Variants in ANKRD17 observed in about 807,000 individuals in gnomAD.
The protein encoded by ANKRD17 is ankyrin repeat domain 17.
Under a neutral mutation model 229.7 loss-of-function variants are expected in ANKRD17, and 19 were observed. The observed-to-expected ratio is 0.08, with a 90% CI of 0.06 to 0.12. The LOEUF is 0.12. Among genes scored for constraint, ANKRD17 ranks in the 10% least tolerant of loss-of-function variants. The probability of loss-of-function intolerance (pLI) is 1.00; values close to 1 mark genes in which losing one functional copy is unlikely to be tolerated. For missense variants in ANKRD17, 2,176 were observed against 3,176.8 expected (o/e 0.68, Z 7.57); for synonymous variants, 1,112 against 1,146.1 (o/e 0.97, Z 0.60).
chr4:73,104,663 T>A (rs183559673), intron 24 of ANKRD17, among the ~76,000 whole-genome samples: 2 of 152,094 alleles, frequency 1.3e-5, no homozygotes, highest in African/African-American at 4.8e-5. Context: ...TTTTAGAATT[T>A]TGGCTCATCC....
intron 1 of ANKRD17, chr4:73,223,099 C>T: frequency 6.7e-7 from 1 of 1,486,084 alleles, no homozygotes; most frequent in Non-Finnish European, 9.1e-7. Flanking sequence ...TCCTCTGTGT[C>T]AGCAAGGGAA....
At chr4:73,179,486 G>GTATATATA (rs1391988983) in intron 1 of ANKRD17, among the ~76,000 whole-genome samples, 2 of 59,978 alleles carry the variant, frequency 3.3e-5, no homozygotes, top group Non-Finnish European at 6.2e-5. Flanking sequence ...GTGTGTGTGT[G>GTATATATA]TGTATATATA....
At position 73,140,198 on chromosome 4, in the gene ANKRD17, G is replaced by T; in HGVS notation, c.2418C>A (p.Ser806Arg). The T allele has an allele frequency of 6.2e-7, 1 of 1,613,954 alleles. No homozygotes were observed. Among genetic ancestry groups the T allele is most frequent in the Non-Finnish European group, 8.5e-7 (1 of 1,179,994 alleles). The change falls in exon 15 of 34, where the codon AGC (serine) becomes AGA (arginine). Residue 806 changes from serine to arginine, a missense_variant. Ser to Arg is a moderately radical substitution (Grantham distance 110). Around this residue, in one of 18 missense-constraint regions of ANKRD17, gnomAD observed 275 missense variants for 386.9 expected, o/e 0.71. Transcript: ENST00000358602. ...ACTTTCCCTGAGCCTCTTCTACAAT[G>T]CTCTCTGGAGACTGATTGGTGATGT... ...QGYITNQSPE[S>R]IVEEAQGKLT... is the part of the protein sequence containing the mutation.
At chr4:73,192,034 G>T (rs1490996253) in intron 1 of ANKRD17, among the ~76,000 whole-genome samples, 1 of 151,974 alleles carries the variant, frequency 6.6e-6, no homozygotes, top group Non-Finnish European at 1.5e-5. Context: ...GAATAAAGCA[G>T]ATTTACACAT....
rs1341782431 is a variant in ANKRD17 at position 73,091,721 on chromosome 4, T to C, written c.5907A>G (p.Pro1969=). The change falls in exon 29 of 34, where the codon CCA becomes CCG. Residue 1969 remains proline (P), a synonymous_variant. Transcript: ENST00000358602. ...AAGCTGATGAACTGGTTGTAGTTGT[T>C]GGGCTTGAAGTTAAAGAACCTGCTG... ...VNSAGSLTSS[P]TTTTSSSAST... is the part of the protein sequence containing the mutation. 1.2e-6 allele frequency: 2 copies of C among 1,614,178 alleles called. No individual in the cohort carries two copies. Among genetic ancestry groups the C allele is most frequent in the East Asian group, 2.2e-5 (1 of 44,882 alleles).
intron 5 of ANKRD17, among the ~76,000 whole-genome samples, chr4:73,154,625 C>T (rs1731402974): frequency 6.6e-6 from 1 of 152,026 alleles, no homozygotes; most frequent in African/African-American, 2.4e-5. Context: ...AATTTGAATT[C>T]AATAATTTCT....
At chr4:73,088,117 A>T (rs1056753608) in intron 29 of ANKRD17, among the ~76,000 whole-genome samples, 1 of 152,208 alleles carries the variant, frequency 6.6e-6, no homozygotes, top group Non-Finnish European at 1.5e-5. Context: ...ATGTGACTTA[A>T]ATAACTTTTC....
At chr4:73,076,795 C>G (rs1040620051) in intron 33 of ANKRD17, 145 bp downstream of exon 33, 3 of 992,280 alleles carry the variant, frequency 3.0e-6, no homozygotes, top group Non-Finnish European at 2.9e-6. Flanking sequence ...GCCCACAGCC[C>G]TCTGCTATAT....
chr4:73,138,440 T>C (rs981112334), intron 15 of ANKRD17, among the ~76,000 whole-genome samples: 2 of 152,144 alleles, frequency 1.3e-5, no homozygotes, highest in African/African-American at 4.8e-5. Context: ...GGATTCTTAG[T>C]GTCTGAACGT....
chr4:73,122,998 T>C (rs977854654), intron 18 of ANKRD17, among the ~76,000 whole-genome samples: 5 of 152,070 alleles, frequency 3.3e-5, no homozygotes. Flanking sequence ...TCAAAATACT[T>C]ACCTCTTCTA....
At chr4:73,228,315 A>G (rs370929691) in intron 1 of ANKRD17, among the ~76,000 whole-genome samples, 6 of 152,180 alleles carry the variant, frequency 3.9e-5, no homozygotes. Flanking sequence ...TATTTCTCCT[A>G]AACTACTCAT....
At chr4:73,258,143 A>T (rs1745643297) in intron 1 of ANKRD17, 133 bp downstream of exon 1, 1 of 1,477,788 alleles carries the variant, frequency 6.8e-7, no homozygotes, top group African/African-American at 1.4e-5. Context: ...GAGGGAAGAA[A>T]GGGGGCAGTC....
intron 1 of ANKRD17, among the ~76,000 whole-genome samples, chr4:73,250,479 G>T (rs912972066): frequency 6.7e-6 from 1 of 149,520 alleles, no homozygotes; most frequent in Non-Finnish European, 1.5e-5. Context: ...GGCTCACGCT[G>T]CAACTCCAGA....
intron 1 of ANKRD17, among the ~76,000 whole-genome samples, chr4:73,202,950 A>G (rs1738873468): frequency 1.3e-5 from 2 of 152,354 alleles, no homozygotes; most frequent in South Asian, 4.1e-4. Flanking sequence ...AATGAAGTCT[A>G]TAAAACTGAA....
intron 29 of ANKRD17, among the ~76,000 whole-genome samples, chr4:73,089,158 C>T (rs148275734): frequency 0.019 from 2,907 of 151,766 alleles, 96 homozygotes; most frequent in African/African-American, 0.066. Context: ...CCACCTCAGC[C>T]CCCCAAGTAG....
At chr4:73,127,458 C>T (rs1174508603) in intron 16 of ANKRD17, among the ~76,000 whole-genome samples, 1 of 151,920 alleles carries the variant, frequency 6.6e-6, no homozygotes, top group Admixed American at 6.6e-5. Flanking sequence ...TTTAAAATTA[C>T]AATCTCATCA....
At chr4:73,085,160 TG>T in intron 30 of ANKRD17, 88 bp downstream of exon 30, 1 of 1,355,674 alleles carries the variant, frequency 7.4e-7, no homozygotes, top group South Asian at 1.4e-5. Context: ...TACCTTTTTA[TG>T]GTATTAAAAT....
intron 1 of ANKRD17, among the ~76,000 whole-genome samples, chr4:73,230,892 CA>C (rs1742980783): frequency 6.6e-6 from 1 of 152,144 alleles, no homozygotes; most frequent in South Asian, 2.1e-4. Context: ...CAGCATTTCA[CA>C]ATAGGTTCTA....
At position 73,121,112 on chromosome 4, in the gene ANKRD17, G is replaced by T; in HGVS notation, c.3636-18C>A. 6 of 1,593,292 alleles carry T rather than the reference G, an allele frequency of 3.8e-6. No individual in the cohort carries two copies. The highest frequency in any genetic ancestry group is 5.2e-6 in the Non-Finnish European group (6 of 1,161,636). ...TACCAGTTCTAGGGGTGCAGGTATG[G>T]GGAAAACAAATGGAAAAATATATAT... On this transcript the variant is annotated intron_variant, in intron 19 of 33. Transcript: ENST00000358602.
Sources: gnomAD v4.1 joint callset for allele counts (sites outside exome capture counted in the v4.1 genomes callset) on GRCh38, gnomAD v4.1.1 for gene constraint, gnomAD v4.1.1 regional missense constraint, MANE v1.5 for transcripts, NCBI Gene and HGNC (gene_info 2026-07-23, HGNC 2026-07-21) for gene names.